The following CDCA3 variants were observed in gnomAD, a reference collection of about 807,000 sequenced individuals.
CDCA3 encodes cell division cycle associated 3, also known as cell division cycle-associated protein 3.
Under a neutral mutation model 29.1 loss-of-function variants are expected in CDCA3, and 16 were observed. The ratio of observed to expected loss-of-function variants is 0.55; its 90% CI spans 0.37 to 0.83. The LOEUF is 0.83. Among genes scored for constraint, CDCA3 ranks in the 40% least tolerant of loss-of-function variants. The pLI, the probability that CDCA3 is intolerant of heterozygous loss-of-function variation, is 0.00. For missense variants in CDCA3, 291 were observed against 327.2 expected (o/e 0.89, Z 0.85); for synonymous variants, 88 against 124.5 (o/e 0.71, Z 1.95).
rs782013369 is a variant in CDCA3 at position 6,850,997 on chromosome 12, G to C, written c.-45C>G. On this transcript the variant is annotated 5_prime_UTR_variant, in exon 2 of 6. Coordinates refer to ENST00000538862, the MANE Select transcript of CDCA3 (RefSeq NM_031299.7). The surrounding 1 kb of genome is among the most constrained non-coding windows in gnomAD (Gnocchi z 4.7). Reference sequence around the variant, plus strand: ...GTGGGGGCAAGGGCCAGCCCGGGACGAGGAGGGAATGCCTGTGAGAAGTGA... The same window carrying C: ...GTGGGGGCAAGGGCCAGCCCGGGACCAGGAGGGAATGCCTGTGAGAAGTGA... 17 of 1,583,976 alleles carry C rather than the reference G, an allele frequency of 1.1e-5. No homozygotes were observed. Among genetic ancestry groups the C allele is most frequent in the Non-Finnish European group, 1.5e-5 (17 of 1,170,298 alleles).
rs1420034747 is a variant in CDCA3 at position 6,850,648 on chromosome 12, T to TCCTCC, written c.121-57_121-53dup. On this transcript the variant is annotated intron_variant, in intron 2 of 5. Transcript: ENST00000538862. This position sits in a 1 kb window ranked among gnomAD's most constrained non-coding sequence, Gnocchi z 4.7. ...TCTGGGCCCTGACTCTTCTCTCCTC[T>TCCTCC]CCTCCCCATATTCCAGGAAGGAATT... The TCCTCC allele has an allele frequency of 1.5e-5, 24 of 1,611,190 alleles. No individual in the cohort carries two copies. The highest frequency in any genetic ancestry group is 1.7e-5 in the Non-Finnish European group (20 of 1,177,992).
downstream of CDCA3, chr12:6,846,878 T>C: frequency 1.3e-6 from 2 of 1,589,974 alleles, no homozygotes; most frequent in Non-Finnish European, 1.7e-6. Context: ...CTGGGACAGC[T>C]TCCTCAAAAT....
chr12:6,845,231 CCT>C (rs1409842056), downstream of CDCA3: 2 of 254,410 alleles, frequency 7.9e-6, no homozygotes, highest in Non-Finnish European at 1.5e-5. Context: ...TGTACTGGAC[CCT>C]GTTCTTACAC....
chr12:6,850,195 T>C lies in CDCA3; in HGVS notation c.250+272A>G. The C allele has an allele frequency of 1.9e-6, 1 of 519,390 alleles. No individual in the cohort carries two copies. Among genetic ancestry groups the C allele is most frequent in the Non-Finnish European group, 3.5e-6 (1 of 288,706 alleles). 32.2% of individuals were successfully genotyped at this position (519,390 alleles called of 1,614,324 possible). ...TGTGTGTGTGTTATGTGTGTGTATT[T>C]TTTCTAGAGATGGGGTTTTGCCATG... On this transcript the variant is annotated intron_variant, in intron 3 of 5. Coordinates refer to ENST00000538862, the MANE Select transcript of CDCA3 (RefSeq NM_031299.7). This position sits in a 1 kb window ranked among gnomAD's most constrained non-coding sequence, Gnocchi z 4.7.
chr12:6,845,268 G>GA, downstream of CDCA3: 2 of 348,402 alleles, frequency 5.7e-6, no homozygotes, highest in Non-Finnish European at 1.1e-5. Flanking sequence ...CACTTGTGTA[G>GA]TCTGGGAGTC....
chr12:6,845,701 G>A, downstream of CDCA3: 1 of 1,614,118 alleles, frequency 6.2e-7, no homozygotes, highest in Non-Finnish European at 8.5e-7. Context: ...ATCATCTGCG[G>A]CATCACGTCC....
Position 6,850,474 on chromosome 12 carries a change from G to A in CDCA3, c.243C>T (p.Ser81=). Residue 81 remains serine, a synonymous_variant, in exon 3 of 6, where the codon AGC becomes AGT. Coordinates refer to ENST00000538862, the MANE Select transcript of CDCA3 (RefSeq NM_031299.7). This position sits in a 1 kb window ranked among gnomAD's most constrained non-coding sequence, Gnocchi z 4.7. The part of the protein sequence containing the change: ...LGIARTPMKT[S]SGDPPSPLVK... Reference sequence around the variant, plus strand: ...CCTGGGCCCAACGCTTACCTCCACTGCTGGTCTTCATAGGTGTCCGTGCAA... The same window carrying A: ...CCTGGGCCCAACGCTTACCTCCACTACTGGTCTTCATAGGTGTCCGTGCAA... 1 of 1,614,110 alleles carries A rather than the reference G, an allele frequency of 6.2e-7. No homozygotes were observed. Among genetic ancestry groups the A allele is most frequent in the East Asian group, 2.2e-5 (1 of 44,886 alleles).
In CDCA3 at chr12:6,850,204, G is replaced by T; in HGVS notation, c.250+263C>A. On this transcript the variant is annotated intron_variant, in intron 3 of 5. Transcript: ENST00000538862. This position sits in a 1 kb window ranked among gnomAD's most constrained non-coding sequence, Gnocchi z 4.7. ...GTTATGTGTGTGTATTTTTTCTAGA[G>T]ATGGGGTTTTGCCATGTTGCCTAGG... 3 of 522,284 alleles carry T rather than the reference G, an allele frequency of 5.7e-6. No homozygotes were observed. Among genetic ancestry groups the T allele is most frequent in the Non-Finnish European group, 1.0e-5 (3 of 290,740 alleles). 32.4% of individuals were successfully genotyped at this position (522,284 alleles called of 1,614,324 possible).
At chr12:6,851,114 G>A in intron 1 of CDCA3, 105 bp from the exon 2 acceptor site, 3 of 1,414,416 alleles carry the variant, frequency 2.1e-6, no homozygotes, top group Non-Finnish European at 2.8e-6. Context: ...TTCCTGGCGA[G>A]GGACCAGAGG....
chr12:6,850,346 G>T lies in CDCA3; in HGVS notation c.250+121C>A. 7.8e-7 allele frequency: 1 copy of T among 1,274,874 alleles called. No homozygotes were observed. Among genetic ancestry groups the T allele is most frequent in the Non-Finnish European group, 1.1e-6 (1 of 903,274 alleles). 79.0% of individuals were successfully genotyped at this position (1,274,874 alleles called of 1,614,324 possible). A position where few individuals can be genotyped will look rare whatever the true frequency, so the allele number is the denominator to read the frequency against. On this transcript the variant is annotated intron_variant, in intron 3 of 5. Transcript: ENST00000538862. The surrounding 1 kb of genome is among the most constrained non-coding windows in gnomAD (Gnocchi z 4.7). The stretch of plus-strand genomic sequence containing the variant: ...GAACAAAATATTGAGATAAGAGTGA[G>T]ATGGGTCCGAAGCAGGAGGATAGAG...
In CDCA3 at chr12:6,850,354, C is replaced by T; in HGVS notation, c.250+113G>A. 17 of 1,369,934 alleles carry T rather than the reference C, an allele frequency of 1.2e-5. No individual in the cohort carries two copies. Among genetic ancestry groups the T allele is most frequent in the Non-Finnish European group, 1.7e-5 (17 of 982,644 alleles). 84.9% of individuals were successfully genotyped at this position (1,369,934 alleles called of 1,614,324 possible). On this transcript the variant is annotated intron_variant, in intron 3 of 5. Coordinates refer to ENST00000538862, the MANE Select transcript of CDCA3 (RefSeq NM_031299.7). This position sits in a 1 kb window ranked among gnomAD's most constrained non-coding sequence, Gnocchi z 4.7. Reference sequence around the variant, plus strand: ...TATTGAGATAAGAGTGAGATGGGTCCGAAGCAGGAGGATAGAGGCCCCTTT... The same window carrying T: ...TATTGAGATAAGAGTGAGATGGGTCTGAAGCAGGAGGATAGAGGCCCCTTT...
chr12:6,850,886 G>C lies in CDCA3; in HGVS notation c.67C>G (p.Arg23Gly). ...RPPPHNKHLA[R>G]VADPRSPSAG... ...CTAGGTGAACGGGGGTCCGCCACTCGAGCCAGATGCTTGTTGTGCGGCGGA... is the reference window on the plus strand; with the variant it reads ...CTAGGTGAACGGGGGTCCGCCACTCCAGCCAGATGCTTGTTGTGCGGCGGA... Residue 23 changes from arginine to glycine, a missense_variant, in exon 2 of 6, where the codon CGA becomes GGA. Coordinates refer to ENST00000538862, the MANE Select transcript of CDCA3 (RefSeq NM_031299.7). This position sits in a 1 kb window ranked among gnomAD's most constrained non-coding sequence, Gnocchi z 4.7. 2 of 1,613,882 alleles carry C rather than the reference G, an allele frequency of 1.2e-6. No homozygotes were observed. The highest frequency in any genetic ancestry group is 1.1e-5 in the South Asian group (1 of 91,058).
rs1943841223 is a variant in CDCA3, at chr12:6,850,628, G to A, written c.121-32C>T. 5 of 1,613,736 alleles carry A rather than the reference G, an allele frequency of 3.1e-6. No homozygotes were observed. The African/African-American group carries it at 5.3e-5, about 17-fold the overall frequency. On this transcript the variant is annotated intron_variant, in intron 2 of 5. Transcript: ENST00000538862. The surrounding 1 kb of genome is among the most constrained non-coding windows in gnomAD (Gnocchi z 4.7). ...AGACCATAGGCTAGAACAAGTCTGG[G>A]CCCTGACTCTTCTCTCCTCTCCTCC...
At chr12:6,847,868 C>T (rs782187857), downstream of CDCA3, among the ~76,000 whole-genome samples, 32 of 152,060 alleles carry the variant, frequency 2.1e-4, no homozygotes, top group African/African-American at 6.8e-4. Flanking sequence ...AATGCAAGAG[C>T]GACAGGACAG....
downstream of CDCA3, among the ~76,000 whole-genome samples, chr12:6,847,755 CT>C (rs1333333314): frequency 3.3e-5 from 5 of 152,212 alleles, no homozygotes; most frequent in Admixed American, 1.3e-4. Flanking sequence ...ATCAGTTATG[CT>C]TCTCAGAAAG....
In CDCA3 at chr12:6,849,206, C is replaced by T. The variant is rs539088435; in HGVS notation, c.652-8G>A. The T allele has an allele frequency of 1.4e-4, 229 of 1,614,048 alleles. 1 individual carries two copies. The Admixed American group carries it at 2.3e-3, about 16-fold the overall frequency. On this transcript the variant is annotated splice_region_variant and splice_polypyrimidine_tract_variant and intron_variant, in intron 5 of 5. Coordinates refer to ENST00000538862, the MANE Select transcript of CDCA3 (RefSeq NM_031299.7). The surrounding 1 kb of genome is among the most constrained non-coding windows in gnomAD (Gnocchi z 5.2). ...GGGTGAAGGCCGCTTACCCTGAAAA[C>T]GGCAGTGTATGAGTTGGGGGGAGTT...
chr12:6,849,219 G>C lies in CDCA3; in HGVS notation c.652-21C>G, dbSNP rs782497054. ...TTACCCTGAAAACGGCAGTGTATGA[G>C]TTGGGGGGAGTTGCTGTTCAGAAGA... On this transcript the variant is annotated intron_variant, in intron 5 of 5. Transcript: ENST00000538862. The surrounding 1 kb of genome is among the most constrained non-coding windows in gnomAD (Gnocchi z 5.2). The C allele has an allele frequency of 3.7e-6, 6 of 1,613,764 alleles. No homozygotes were observed. In the Admixed American group the frequency reaches 1.0e-4, roughly 27 times the overall value.
downstream of CDCA3, chr12:6,846,982 C>T: frequency 1.3e-6 from 1 of 781,318 alleles, no homozygotes; most frequent in African/African-American, 1.7e-5. Flanking sequence ...GTGTTCTCTT[C>T]TATATTCCGG....
chr12:6,848,868 T>A lies in CDCA3; in HGVS notation c.*175A>T. On this transcript the variant is annotated 3_prime_UTR_variant, in exon 6 of 6. Transcript: ENST00000538862. ...ACATTTAAAATTACTTCCTTTAATA[T>A]AAAAGAAACACACAAGACACAAAGA... The A allele has an allele frequency of 1.7e-6, 1 of 582,826 alleles. No homozygotes were observed. The highest frequency in any genetic ancestry group is 3.0e-6 in the Non-Finnish European group (1 of 328,644). The allele number at this position is 582,826 out of a possible 1,614,324, so 36.1% of individuals were successfully genotyped here.
Sources: gnomAD v4.1 joint callset for allele counts (sites outside exome capture counted in the v4.1 genomes callset) on GRCh38, gnomAD v4.1.1 for gene constraint, Gnocchi (gnomAD v3.1) non-coding constraint, MANE v1.5 for transcripts, NCBI Gene and HGNC (gene_info 2026-07-23, HGNC 2026-07-21) for gene names.